The following LIPK variants were observed in gnomAD, a reference collection of about 807,000 sequenced individuals.
LIPK encodes the protein lipase family member K.
A neutral mutation model predicts 48.6 loss-of-function variants in LIPK; 32 were observed. The observed-to-expected ratio is 0.66, with a 90% CI of 0.50 to 0.88. The LOEUF (loss-of-function observed/expected upper bound fraction) is 0.88. Ranked by LOEUF, LIPK falls within the 40% of genes least tolerant of loss-of-function variation. The probability of loss-of-function intolerance (pLI) is 0.00; values close to 1 mark genes in which losing one functional copy is unlikely to be tolerated. For synonymous variants in LIPK, 164 were observed against 157.4 expected (o/e 1.04, Z -0.32); for missense variants, 507 against 478.5 (o/e 1.06, Z -0.56).
At chr10:88,737,236 A>G (rs1399500492) in intron 6 of LIPK, among the ~76,000 whole-genome samples, 2 of 152,202 alleles carry the variant, frequency 1.3e-5, no homozygotes, top group South Asian at 4.1e-4. Flanking sequence ...AACATGACCT[A>G]CTAACTTCAC....
At chr10:88,708,464 T>A (rs995128817) in intron 1 of LIPK, among the ~76,000 whole-genome samples, 5 of 152,202 alleles carry the variant, frequency 3.3e-5, no homozygotes, top group Admixed American at 6.6e-5. Context: ...AATAAAAATT[T>A]AAAAATATAT....
chr10:88,719,230 T>G (rs1842175380), intron 1 of LIPK, among the ~76,000 whole-genome samples: 1 of 152,174 alleles, frequency 6.6e-6, no homozygotes, highest in South Asian at 2.1e-4. Flanking sequence ...CTTTATCATC[T>G]TAAGCCAACC....
At chr10:88,740,544 G>C (rs888707676) in intron 8 of LIPK, among the ~76,000 whole-genome samples, 8 of 152,276 alleles carry the variant, frequency 5.3e-5, no homozygotes, top group Middle Eastern at 6.8e-3. Context: ...AGTTTTATTT[G>C]TTTTATTTTA....
At chr10:88,715,955 C>T (rs1213142888) in intron 1 of LIPK, among the ~76,000 whole-genome samples, 1 of 151,992 alleles carries the variant, frequency 6.6e-6, no homozygotes, top group Non-Finnish European at 1.5e-5. Flanking sequence ...AAACAATTGA[C>T]TTGTATATTT....
At chr10:88,734,042 T>G (rs1842522079) in intron 6 of LIPK, among the ~76,000 whole-genome samples, 1 of 152,200 alleles carries the variant, frequency 6.6e-6, no homozygotes, top group Non-Finnish European at 1.5e-5. Flanking sequence ...AAAAGTGGCT[T>G]GATCAAATCT....
chr10:88,729,392 A>C (rs1379327179), intron 3 of LIPK, among the ~76,000 whole-genome samples: 1 of 152,180 alleles, frequency 6.6e-6, no homozygotes, highest in Non-Finnish European at 1.5e-5. Context: ...TATTTATTTA[A>C]AGAAAAACTC....
chr10:88,728,726 A>AGGTGGGCTG (rs1248177704), intron 3 of LIPK: 1 of 308,940 alleles, frequency 3.2e-6, no homozygotes, highest in Non-Finnish European at 6.5e-6. Context: ...GTGGCTACCC[A>AGGTGGGCTG]GGTGGGCTGG....
intron 1 of LIPK, among the ~76,000 whole-genome samples, chr10:88,712,383 C>G (rs1347977983): frequency 1.3e-5 from 2 of 152,142 alleles, no homozygotes; most frequent in Admixed American, 1.3e-4. Flanking sequence ...TGACTGGTAA[C>G]AATGCAAGTA....
chr10:88,740,140 C>T (rs1201564569), intron 8 of LIPK, 73 bp downstream of exon 8: 1 of 1,118,596 alleles, frequency 8.9e-7, no homozygotes, highest in Non-Finnish European at 1.3e-6. Context: ...TCAGAGAGCT[C>T]ACTGCAGGGT....
At chr10:88,730,366 T>C (rs1456938708) in intron 3 of LIPK, among the ~76,000 whole-genome samples, 1 of 151,912 alleles carries the variant, frequency 6.6e-6, no homozygotes, top group Non-Finnish European at 1.5e-5. Flanking sequence ...CTCGGCTCAC[T>C]GCAAGCTCCG....
chr10:88,730,913 A>G, intron 3 of LIPK, 70 bp from the exon 4 acceptor site: 1 of 1,344,720 alleles, frequency 7.4e-7, no homozygotes, highest in South Asian at 1.4e-5. Flanking sequence ...ACAGAAATTC[A>G]GGAATGAGAT....
chr10:88,740,384 A>G (rs1020143262), intron 8 of LIPK, among the ~76,000 whole-genome samples: 3 of 152,232 alleles, frequency 2.0e-5, no homozygotes, highest in Admixed American at 1.3e-4. Context: ...TTTATATAAA[A>G]TGATGCATCT....
chr10:88,740,090 T>G (rs1842651546), intron 8 of LIPK, 23 bp downstream of exon 8: 1 of 1,585,154 alleles, frequency 6.3e-7, no homozygotes, highest in African/African-American at 1.3e-5. Flanking sequence ...TATTCCTGCT[T>G]GATGCACACA....
intron 3 of LIPK, chr10:88,727,963 C>T: frequency 6.0e-6 from 2 of 332,160 alleles, no homozygotes; most frequent in South Asian, 5.9e-5. Flanking sequence ...CAACAACTTT[C>T]TGCGGCAGCT....
chr10:88,748,959 T>A (rs924300143), intron 9 of LIPK, among the ~76,000 whole-genome samples: 1 of 152,124 alleles, frequency 6.6e-6, no homozygotes, highest in African/African-American at 2.4e-5. Flanking sequence ...GGATACAAAA[T>A]CAATGTACCA....
chr10:88,737,656 T>C lies in LIPK; in HGVS notation c.691T>C (p.Phe231Leu), dbSNP rs1301637189. Residue 231 changes from phenylalanine to leucine, a missense_variant, in exon 7 of 10, where the codon TTC becomes CTC. Phe to Leu is a conservative substitution (Grantham distance 22). Coordinates refer to ENST00000404190, the MANE Select transcript of LIPK (RefSeq NM_001080518.2). ...GTAGGTGTTGTTTGGTGACAAAATG[T>C]TCCACCCTCATACATTGTTTGACCA... ...VVKVLFGDKM[F>L]HPHTLFDQFI... The C allele has an allele frequency of 1.2e-6, 2 of 1,613,678 alleles. No individual in the cohort carries two copies. The highest frequency in any genetic ancestry group is 4.5e-5 in the East Asian group (2 of 44,892).
chr10:88,743,294 T>G lies in LIPK; in HGVS notation c.933T>G (p.Ser311=). The change falls in exon 9 of 10, where the codon TCT becomes TCG. Residue 311 remains serine (S), a synonymous_variant. Transcript: ENST00000404190. The stretch of plus-strand genomic sequence containing the variant: ...TCCAAGCTTTTGATTGGGGAAACTC[T>G]GATCAGAACATGATGCACTTCCATC... ...GQLQAFDWGN[S]DQNMMHFHQL... is the part of the protein sequence containing the mutation. 1 of 1,594,162 alleles carries G rather than the reference T, an allele frequency of 6.3e-7. No individual in the cohort carries two copies.
intron 1 of LIPK, among the ~76,000 whole-genome samples, chr10:88,724,239 ATCTAT>A (rs1270992274): frequency 6.6e-6 from 1 of 152,196 alleles, no homozygotes; most frequent in African/African-American, 2.4e-5. Context: ...TCTACACATT[ATCTAT>A]TCCCTCTTTT....
At chr10:88,725,408 A>G (rs555407505) in intron 2 of LIPK, among the ~76,000 whole-genome samples, 1 of 152,352 alleles carries the variant, frequency 6.6e-6, no homozygotes, top group Non-Finnish European at 1.5e-5. Context: ...TCTATAAAGC[A>G]TTTATGTTAG....
Sources: allele counts gnomAD v4.1 joint callset (sites outside exome capture counted in the v4.1 genomes callset), GRCh38; gene constraint gnomAD v4.1.1; transcripts MANE v1.5; gene names NCBI Gene and HGNC (gene_info 2026-07-23, HGNC 2026-07-21).